Variants in NUP155 observed in about 807,000 individuals in gnomAD.
NUP155 encodes the protein nuclear pore complex protein Nup155.
Under a neutral mutation model 180.4 loss-of-function variants are expected in NUP155, and 71 were observed. The ratio of observed to expected loss-of-function variants is 0.39; its 90% confidence interval spans 0.33 to 0.48. NUP155 has a LOEUF of 0.48. Among genes scored for constraint, NUP155 ranks in the 20% least tolerant of loss-of-function variants. NUP155 has a pLI of 0.91. For synonymous variants in NUP155, 582 were observed against 559.5 expected, an observed-to-expected ratio of 1.04 and a Z score of -0.57; for missense variants, 1,553 against 1,648.9, an observed-to-expected ratio of 0.94 and a Z score of 1.01.
chr5:37,317,930 A>G, intron 21 of NUP155, 58 bp downstream of exon 21: 1 of 890,070 alleles, frequency 1.1e-6, no homozygotes, highest in Non-Finnish European at 1.9e-6. Context: ...TTTTCTATTC[A>G]AGTAATAAAA....
At chr5:37,326,501 G>T (rs758785281) in intron 18 of NUP155, among the ~76,000 whole-genome samples, 4 of 152,148 alleles carry the variant, frequency 2.6e-5, no homozygotes, top group Non-Finnish European at 5.9e-5. Context: ...AGGCGGAAAA[G>T]TGCATGGTAA....
intron 28 of NUP155, 74 bp from the exon 29 acceptor site, chr5:37,302,982 G>C: frequency 6.8e-7 from 1 of 1,468,682 alleles, no homozygotes; most frequent in South Asian, 1.1e-5. Context: ...CAATTAGTAT[G>C]TACTGTTTCA....
intron 9 of NUP155, among the ~76,000 whole-genome samples, chr5:37,345,045 G>C (rs1274035795): frequency 6.6e-6 from 1 of 150,568 alleles, no homozygotes; most frequent in Non-Finnish European, 1.5e-5. Flanking sequence ...TAGCCAGGTG[G>C]AGGTGTCCGT....
rs1199254753 is a variant in NUP155, at chr5:37,304,837, G to C, written c.3064C>G (p.Gln1022Glu). 3 of 1,613,136 alleles carry C rather than the reference G, an allele frequency of 1.9e-6. No individual in the cohort carries two copies. The highest frequency in any genetic ancestry group is 1.1e-5 in the South Asian group (1 of 91,052). Residue 1022 changes from glutamine to glutamate, a missense_variant, in exon 27 of 35, where the codon CAA (glutamine) becomes GAA (glutamate). Coordinates refer to ENST00000231498, the MANE Select transcript of NUP155 (RefSeq NM_153485.3). ...GATCGCTGTGACAATTTAAGCATTT[G>C]TTCAAACTAAAATAAAGAAAATAGT... ...SNEEAGHHFE[Q>E]MLKLSQRSKD...
intron 20 of NUP155, among the ~76,000 whole-genome samples, chr5:37,322,173 T>G (rs1744287499): frequency 6.6e-6 from 1 of 152,024 alleles, no homozygotes; most frequent in African/African-American, 2.4e-5. Context: ...GTTTTTGTAG[T>G]GACAAGGTCT....
At chr5:37,333,890 C>T (rs577799471) in intron 12 of NUP155, among the ~76,000 whole-genome samples, 1 of 151,812 alleles carries the variant, frequency 6.6e-6, no homozygotes, top group South Asian at 2.1e-4. Flanking sequence ...TAACCTTTGC[C>T]TCCCGGGTTC....
intron 6 of NUP155, among the ~76,000 whole-genome samples, chr5:37,350,824 A>G (rs963240962): frequency 4.0e-4 from 60 of 151,670 alleles, no homozygotes; most frequent in Admixed American, 6.6e-5. Flanking sequence ...ACATTTAAAA[A>G]AAAAAAAAAA....
rs181452076 is a variant in NUP155 at position 37,326,299 on chromosome 5, A to C, written c.2025-332T>G. ...AAATCATACATCTCAAATCTAAGAG[A>C]AATATATATTAGGCATGATAGCTAA... is the stretch of plus-strand genomic sequence containing the variant. On this transcript the variant is annotated intron_variant, in intron 18 of 34. Coordinates refer to ENST00000231498, the MANE Select transcript of NUP155 (RefSeq NM_153485.3). Among the ~76,000 whole-genome samples the C allele has an allele frequency of 1.2e-4, 19 of 152,312 alleles. No homozygotes were observed. In the East Asian group the frequency reaches 3.7e-3, roughly 29 times the overall value.
intron 3 of NUP155, among the ~76,000 whole-genome samples, chr5:37,361,026 T>C (rs898936318): frequency 3.9e-5 from 6 of 152,206 alleles, no homozygotes; most frequent in African/African-American, 1.4e-4. Context: ...CCCAGCACTT[T>C]GGGAGGCCCA....
intron 11 of NUP155, among the ~76,000 whole-genome samples, chr5:37,340,634 T>C (rs1375674193): frequency 6.6e-6 from 1 of 152,076 alleles, no homozygotes; most frequent in Non-Finnish European, 1.5e-5. Context: ...GACAATTCAA[T>C]GGGGGATATA....
chr5:37,289,267 C>G lies in NUP155; in HGVS notation c.*2633G>C, dbSNP rs962502065. 6.6e-6 allele frequency: 1 copy of G among 152,598 alleles called. No homozygotes were observed. The highest frequency in any genetic ancestry group is 6.5e-5 in the Admixed American group (1 of 15,284). 9.5% of individuals were successfully genotyped at this position (152,598 alleles called of 1,614,324 possible). Reference sequence around the variant, plus strand: ...GCTCGAGGCTGCAGTGAGCCAAGATCATGCCACTGCACTCCAGGGCAAGCC... The same window carrying G: ...GCTCGAGGCTGCAGTGAGCCAAGATGATGCCACTGCACTCCAGGGCAAGCC... On this transcript the variant is annotated 3_prime_UTR_variant, in exon 35 of 35. Transcript: ENST00000231498.
At chr5:37,301,334 G>A in intron 30 of NUP155, 103 bp downstream of exon 30, 1 of 716,642 alleles carries the variant, frequency 1.4e-6, no homozygotes, top group Non-Finnish European at 2.5e-6. Context: ...TCTTATTTGT[G>A]GAGATAAGGT....
intron 10 of NUP155, 50 bp from the exon 11 acceptor site, chr5:37,341,292 G>A (rs1295409358): frequency 6.6e-7 from 1 of 1,509,882 alleles, no homozygotes; most frequent in East Asian, 2.3e-5. Flanking sequence ...AAGGACCTGA[G>A]GTAAATGTGT....
intron 8 of NUP155, 58 bp from the exon 9 acceptor site, chr5:37,348,654 A>C: frequency 2.0e-6 from 2 of 980,178 alleles, no homozygotes; most frequent in South Asian, 2.6e-5. Context: ...ACATATTATT[A>C]AACTCTTTCT....
chr5:37,312,109 A>G (rs1743567187), intron 22 of NUP155, among the ~76,000 whole-genome samples: 1 of 152,212 alleles, frequency 6.6e-6, no homozygotes, highest in African/African-American at 2.4e-5. Flanking sequence ...ATGATTATCA[A>G]TGGATGATTA....
At position 37,299,627 on chromosome 5, in the gene NUP155, A is replaced by G. The variant is rs1257591805; in HGVS notation, c.3562-59T>C. 5 of 1,515,828 alleles carry G rather than the reference A, an allele frequency of 3.3e-6. No individual in the cohort carries two copies. In the East Asian group the frequency reaches 9.0e-5, roughly 27 times the overall value. The allele number at this position is 1,515,828 out of a possible 1,614,324, so 93.9% of individuals were successfully genotyped here. ...TAGAGATCAACATTCAGAGATTAAT[A>G]GTGAAGCACTCCTTGAAAATTAAAA... On this transcript the variant is annotated intron_variant, in intron 30 of 34. Transcript: ENST00000231498.
chr5:37,320,959 G>A (rs1744204443), intron 20 of NUP155, among the ~76,000 whole-genome samples: 1 of 152,148 alleles, frequency 6.6e-6, no homozygotes, highest in Admixed American at 6.6e-5. Flanking sequence ...GGTGTTTAAG[G>A]TAGAGAGAGG....
rs530524699 is a variant in NUP155 at position 37,338,317 on chromosome 5, C to CAA, written c.1247-401_1247-400dup. Among the ~76,000 whole-genome samples the CAA allele has an allele frequency of 6.3e-3, 409 of 64,984 alleles. 8 individuals are homozygous for CAA. The highest frequency in any genetic ancestry group is 0.014 in the African/African-American group (348 of 24,404). The allele number at this position is 64,984 out of a possible 152,430, so 42.6% of individuals were successfully genotyped here. On this transcript the variant is annotated intron_variant, in intron 11 of 34. Coordinates refer to ENST00000231498, the MANE Select transcript of NUP155 (RefSeq NM_153485.3). ...TGGGCGCCAGAGCAAGATTCCGTCT[C>CAA]AAAAAAAAAAAAAAAAAAAATTTTA...
chr5:37,338,183 C>T (rs982788702), intron 11 of NUP155, among the ~76,000 whole-genome samples: 3 of 151,026 alleles, frequency 2.0e-5, no homozygotes, highest in Admixed American at 6.6e-5. Context: ...CTGGGCATGG[C>T]GGCAGGCACC....
Sources: allele counts gnomAD v4.1 joint callset (sites outside exome capture counted in the v4.1 genomes callset), GRCh38; gene constraint gnomAD v4.1.1; transcripts MANE v1.5; gene names NCBI Gene and HGNC (gene_info 2026-07-23, HGNC 2026-07-21).